The following TDRD9 variants were observed in gnomAD, a reference collection of about 807,000 sequenced individuals.
TDRD9 encodes tudor domain containing 9.
Under a neutral mutation model 172.6 loss-of-function variants are expected in TDRD9, and 124 were observed. That is an observed-to-expected ratio of 0.72 (90% CI 0.62 to 0.83). The LOEUF is 0.83. TDRD9 is among the 40% of genes least tolerant of loss of function. TDRD9 has a pLI of 0.00. For synonymous variants in TDRD9, 619 were observed against 617.1 expected (o/e 1.00, Z -0.05); for missense variants, 1,479 against 1,714.1 (o/e 0.86, Z 2.42).
intron 20 of TDRD9, 22 bp from the exon 21 acceptor site, chr14:104,014,703 G>T: frequency 2.2e-6 from 3 of 1,384,312 alleles, no homozygotes; most frequent in Non-Finnish European, 3.1e-6. Context: ...TGAGACATCA[G>T]ATTTCAATGT....
chr14:104,009,038 A>G (rs2152222625), intron 20 of TDRD9, among the ~76,000 whole-genome samples: 1 of 152,378 alleles, frequency 6.6e-6, no homozygotes, highest in East Asian at 1.9e-4. Flanking sequence ...TTGTGCAAAC[A>G]GCATAGAACA....
intron 1 of TDRD9, chr14:103,941,703 C>T: frequency 1.3e-6 from 2 of 1,490,290 alleles, no homozygotes; most frequent in Non-Finnish European, 1.8e-6. Context: ...CATTTTTAGC[C>T]TATGGAAATA....
intron 7 of TDRD9, 113 bp from the exon 8 acceptor site, chr14:103,986,104 T>G: frequency 2.7e-6 from 2 of 752,630 alleles, no homozygotes; most frequent in Non-Finnish European, 4.5e-6. Context: ...GAACTTTTAT[T>G]TAGAGAGTTT....
At chr14:103,931,298 C>CA (rs35115834) in intron 1 of TDRD9, among the ~76,000 whole-genome samples, 3,315 of 132,088 alleles carry the variant, frequency 0.025, 32 homozygotes, top group African/African-American at 0.037. Context: ...GACCCTGTCT[C>CA]AAAAAAAAAA....
chr14:104,019,872 A>G (rs990115858), intron 23 of TDRD9, among the ~76,000 whole-genome samples: 67 of 152,332 alleles, frequency 4.4e-4, no homozygotes, highest in African/African-American at 1.6e-3. Context: ...ATTCTATCTG[A>G]GGCCCAATAT....
chr14:104,022,205 TC>T lies in TDRD9; in HGVS notation c.2483del (p.Pro828LeufsTer12), dbSNP rs1272297983. The T allele has an allele frequency of 1.3e-6, 2 of 1,581,580 alleles. No individual in the cohort carries two copies. The highest frequency in any genetic ancestry group is 2.3e-5 in the South Asian group (2 of 86,378). Reference sequence around the variant, plus strand: ...ATCCAACAGAGAGATTTAAAACCCTTCCTGCAGTATATATGGCAATTAAGAT... The same window carrying T: ...ATCCAACAGAGAGATTTAAAACCCTTCTGCAGTATATATGGCAATTAAGAT... ...RNPTERFKTL[P>X]AVYMAIKMSQ... On this transcript the variant is annotated frameshift_variant, in exon 24 of 36. Transcript: ENST00000409874. LOFTEE classifies it high-confidence loss of function.
Position 104,026,852 on chromosome 14 carries a change from C to T in TDRD9, c.3195C>T (p.Tyr1065=). 6.2e-7 allele frequency: 1 copy of T among 1,614,050 alleles called. No individual in the cohort carries two copies. Among genetic ancestry groups the T allele is most frequent in the Non-Finnish European group, 8.5e-7 (1 of 1,179,902 alleles). ...HSVLHVDVYQ[Y]SGVQDAINIR... ...TCCTGCACGTGGATGTGTACCAGTA[C>T]TCAGGGGTCCAGGATGCCATCAACA... The change falls in exon 28 of 36, where the codon TAC becomes TAT. Residue 1065 remains tyrosine (Y), a synonymous_variant. Coordinates refer to ENST00000409874, the MANE Select transcript of TDRD9 (RefSeq NM_153046.3).
intron 6 of TDRD9, among the ~76,000 whole-genome samples, chr14:103,975,001 G>C (rs1289950837): frequency 2.0e-5 from 3 of 151,926 alleles, no homozygotes; most frequent in Non-Finnish European, 2.9e-5. Flanking sequence ...TGTACTCCTG[G>C]GCTCAAGTGG....
intron 20 of TDRD9, chr14:104,013,918 G>A (rs2034694627): frequency 1.3e-5 from 2 of 148,328 alleles, no homozygotes; most frequent in Non-Finnish European, 3.0e-5. Context: ...GGGCAATATA[G>A]CAAGATCTTG....
chr14:103,963,171 G>A lies in TDRD9; in HGVS notation c.415G>A (p.Glu139Lys), dbSNP rs1179037983. 5 of 1,545,272 alleles carry A rather than the reference G, an allele frequency of 3.2e-6. No individual in the cohort carries two copies. The highest frequency in any genetic ancestry group is 1.7e-4 in the Middle Eastern group (1 of 5,992). ...TGATTTGCCTATAAGTCGATACAAG[G>A]AAGAGGTAAAATTGTTTTGTTATAC... The part of the protein sequence containing the change: ...YPDLPISRYK[E>K]EVVSLIESNS... The change falls in exon 3 of 36, where the codon GAA becomes AAA. Residue 139 changes from glutamate (E) to lysine (K), a missense_variant. Physicochemically the swap from Glu to Lys is moderately conservative, Grantham distance 56 (BLOSUM62 1). Transcript: ENST00000409874.
rs1342472463 is a variant in TDRD9, at chr14:103,994,572, T to G, written c.1289T>G (p.Val430Gly). ...GTGGCTTTAGAAGAACAGAATAATG[T>G]CTTTTTAAGTCCAGTCCCTGGGTAC... The part of the protein sequence containing the change: ...SSVALEEQNN[V>G]FLSPVPGYRK... The change falls in exon 11 of 36, where the codon GTC (valine) becomes GGC (glycine). Residue 430 changes from valine (V) to glycine (G), a missense_variant. Coordinates refer to ENST00000409874, the MANE Select transcript of TDRD9 (RefSeq NM_153046.3). 33 of 1,613,728 alleles carry G rather than the reference T, an allele frequency of 2.0e-5. No homozygotes were observed. The highest frequency in any genetic ancestry group is 2.6e-5 in the Non-Finnish European group (31 of 1,179,798).
intron 14 of TDRD9, among the ~76,000 whole-genome samples, 170 bp downstream of exon 14, chr14:104,004,505 A>G (rs898967039): frequency 3.3e-5 from 5 of 151,996 alleles, no homozygotes; most frequent in Non-Finnish European, 7.4e-5. Context: ...CAGCCTCCCA[A>G]GTAGCTGGGA....
intron 19 of TDRD9, among the ~76,000 whole-genome samples, chr14:104,008,058 C>T (rs944481852): frequency 2.0e-5 from 3 of 152,154 alleles, no homozygotes; most frequent in African/African-American, 7.2e-5. Flanking sequence ...GGATTACAGG[C>T]GTGAACCACC....
At position 104,032,043 on chromosome 14, in the gene TDRD9, T is replaced by C; in HGVS notation, c.3465T>C (p.Pro1155=). 1 of 1,549,464 alleles carries C rather than the reference T, an allele frequency of 6.5e-7. No individual in the cohort carries two copies. The highest frequency in any genetic ancestry group is 8.7e-7 in the Non-Finnish European group (1 of 1,146,386). ...CAGAACTTCACGGGCCTTTTAACCC[T>C]TATGAACTAAAGTGCCATAGTTTGA... ...CKAELHGPFN[P]YELKCHSLTR... is the part of the protein sequence containing the mutation. Residue 1155 remains proline, a synonymous_variant, in exon 30 of 36, where the codon CCT becomes CCC. Coordinates refer to ENST00000409874, the MANE Select transcript of TDRD9 (RefSeq NM_153046.3).
chr14:104,050,559 C>T (rs1420857705), intron 35 of TDRD9, among the ~76,000 whole-genome samples: 1 of 152,226 alleles, frequency 6.6e-6, no homozygotes, highest in Non-Finnish European at 1.5e-5. Context: ...TTCCCCTCCC[C>T]TTTGACGATC....
chr14:104,050,755 A>ATG (rs2035915402), intron 35 of TDRD9, among the ~76,000 whole-genome samples: 1 of 152,212 alleles, frequency 6.6e-6, no homozygotes, highest in Non-Finnish European at 1.5e-5. Context: ...CGGCCACACC[A>ATG]GCCCCCATGG....
intron 20 of TDRD9, among the ~76,000 whole-genome samples, chr14:104,011,740 T>C (rs1484930643): frequency 6.6e-6 from 1 of 152,180 alleles, no homozygotes; most frequent in Non-Finnish European, 1.5e-5. Context: ...TTCTTATTGT[T>C]GTGTATTTGT....
At chr14:103,985,683 T>G (rs2033634956) in intron 7 of TDRD9, among the ~76,000 whole-genome samples, 1 of 152,210 alleles carries the variant, frequency 6.6e-6, no homozygotes, top group Non-Finnish European at 1.5e-5. Context: ...CCCGTAAACC[T>G]TGGTAGACGG....
In TDRD9 at chr14:103,965,141, G is replaced by GAGA. The variant is rs369428489; in HGVS notation, c.421-191_421-190insGAA. Among the ~76,000 whole-genome samples the GAGA allele has an allele frequency of 1.0e-3, 154 of 152,138 alleles. 1 individual carries two copies. The highest frequency in any genetic ancestry group is 3.6e-3 in the African/African-American group (151 of 41,506). ...GCATGAGAATCGTTTGAACTCAGGAGACAGAGGTTGCAGTGAGCCGAGATT... is the reference window on the plus strand; with the variant it reads ...GCATGAGAATCGTTTGAACTCAGGAGAGAACAGAGGTTGCAGTGAGCCGAGATT... On this transcript the variant is annotated intron_variant, in intron 3 of 35. Coordinates refer to ENST00000409874, the MANE Select transcript of TDRD9 (RefSeq NM_153046.3).
Sources: allele counts gnomAD v4.1 joint callset (sites outside exome capture counted in the v4.1 genomes callset), GRCh38; gene constraint gnomAD v4.1.1; transcripts MANE v1.5; gene names NCBI Gene and HGNC (gene_info 2026-07-23, HGNC 2026-07-21).